Variants in ZNF445 observed in about 807,000 individuals in gnomAD.
ZNF445 encodes zinc finger protein 445.
ZNF445 carries 19 observed loss-of-function variants against 93.9 expected under a neutral mutation model. The ratio of observed to expected loss-of-function variants is 0.20; its 90% CI spans 0.14 to 0.30. The LOEUF (loss-of-function observed/expected upper bound fraction) is 0.30. Among genes scored for constraint, ZNF445 ranks in the 10% least tolerant of loss-of-function variants. The probability of loss-of-function intolerance (pLI) is 1.00; values close to 1 mark genes in which losing one functional copy is unlikely to be tolerated. For missense variants in ZNF445, 1,058 were observed against 1,259.4 expected (o/e 0.84, Z 2.42); for synonymous variants, 449 against 446.3 (o/e 1.01, Z -0.08).
At position 44,444,976 on chromosome 3, in the gene ZNF445, C is replaced by T. The variant is rs1052894991; in HGVS notation, c.*1599G>A. 1 of 152,250 alleles carries T rather than the reference C, an allele frequency of 6.6e-6. No homozygotes were observed. Among genetic ancestry groups the T allele is most frequent in the African/African-American group, 2.4e-5 (1 of 41,462 alleles). The allele number at this position is 152,250 out of a possible 1,614,324, so 9.4% of individuals were successfully genotyped here. On this transcript the variant is annotated 3_prime_UTR_variant, in exon 8 of 8. Coordinates refer to ENST00000396077, the MANE Select transcript of ZNF445 (RefSeq NM_181489.6). ...ACTCACATGCTTTAGCAATATCACT[C>T]CTTTGCCTTTAAGTAATTGATTCTT...
Position 44,453,756 on chromosome 3 carries a change from G to A in ZNF445, c.429+1365C>T, listed in dbSNP as rs141909388. 7.7e-4 allele frequency among the ~76,000 whole-genome samples: 117 copies of A among 152,222 alleles called. 1 individual carries two copies. The highest frequency in any genetic ancestry group is 2.8e-3 in the African/African-American group (115 of 41,534). On this transcript the variant is annotated intron_variant, in intron 3 of 7. Coordinates refer to ENST00000396077, the MANE Select transcript of ZNF445 (RefSeq NM_181489.6). Reference sequence around the variant, plus strand: ...AGCTGCTGCTCTCCTGCCAGGCCTGGGACTGCCAACTCTGCCAGGGCCAGG... The same window carrying A: ...AGCTGCTGCTCTCCTGCCAGGCCTGAGACTGCCAACTCTGCCAGGGCCAGG...
In ZNF445 at chr3:44,438,017, C is replaced by T. The variant is rs1412050508; in HGVS notation, c.*8558G>A. ...GGTTCAAATACCTCTGACACTTTTA[C>T]CCAGCCCCTATTCAACATGGAGTTG... On this transcript the variant is annotated 3_prime_UTR_variant, in exon 8 of 8. Coordinates refer to ENST00000396077, the MANE Select transcript of ZNF445 (RefSeq NM_181489.6). 6.6e-6 allele frequency: 1 copy of T among 152,464 alleles called. No homozygotes were observed. Among genetic ancestry groups the T allele is most frequent in the Admixed American group, 6.6e-5 (1 of 15,260 alleles). 9.4% of individuals were successfully genotyped at this position (152,464 alleles called of 1,614,324 possible).
At chr3:44,450,738 T>G (rs1216769408) in intron 5 of ZNF445, 130 bp downstream of exon 5, 14 of 1,273,596 alleles carry the variant, frequency 1.1e-5, no homozygotes, top group Non-Finnish European at 1.5e-5. Flanking sequence ...AGGGGGATAA[T>G]CTGGTCTCTG....
chr3:44,458,860 C>G (rs534211213), intron 1 of ZNF445, among the ~76,000 whole-genome samples: 1 of 152,280 alleles, frequency 6.6e-6, no homozygotes, highest in African/African-American at 2.4e-5. Context: ...CTGCCTCATA[C>G]TCAGTAAGCA....
chr3:44,454,979 C>G (rs772171957), intron 3 of ZNF445, 142 bp downstream of exon 3: 2 of 1,033,774 alleles, frequency 1.9e-6, no homozygotes, highest in African/African-American at 1.6e-5. Context: ...CCGTTCTCAG[C>G]TGCTCAGGTA....
chr3:44,432,325 AGAGG>A lies in ZNF445; in HGVS notation c.*14246_*14249del, dbSNP rs1244029856. On this transcript the variant is annotated 3_prime_UTR_variant, in exon 8 of 8. Coordinates refer to ENST00000396077, the MANE Select transcript of ZNF445 (RefSeq NM_181489.6). ...TGTGTGTGTGGATGGAGATAGAGAGAGAGGGATTTATGAATTTATGATAAGGAAT... is the reference window on the plus strand; with the variant it reads ...TGTGTGTGTGGATGGAGATAGAGAGAGATTTATGAATTTATGATAAGGAAT... 1 of 151,678 alleles carries A rather than the reference AGAGG, an allele frequency of 6.6e-6. No individual in the cohort carries two copies. The highest frequency in any genetic ancestry group is 1.5e-5 in the Non-Finnish European group (1 of 68,128). The allele number at this position is 151,678 out of a possible 1,614,324, so 9.4% of individuals were successfully genotyped here.
chr3:44,447,361 G>T lies in ZNF445; in HGVS notation c.2310C>A (p.Ala770=). ...EPYKCSQCGK[A]FRNHSFLLIH... ...TGAGGAGGAATGAGTGATTGCGGAA[G>T]GCCTTGCCACACTGGCTGCATTTGT... Residue 770 remains alanine (A), a synonymous_variant, in exon 8 of 8, where the codon GCC becomes GCA. Transcript: ENST00000396077. The surrounding 1 kb of genome is among the most constrained non-coding windows in gnomAD (Gnocchi z 4.7). 6.2e-7 allele frequency: 1 copy of T among 1,614,174 alleles called. No individual in the cohort carries two copies. Among genetic ancestry groups the T allele is most frequent in the Admixed American group, 1.7e-5 (1 of 60,024 alleles).
intron 1 of ZNF445, among the ~76,000 whole-genome samples, chr3:44,472,754 A>G (rs1698289695): frequency 6.6e-6 from 1 of 152,226 alleles, no homozygotes; most frequent in African/African-American, 2.4e-5. Context: ...TCTTAATGCC[A>G]CAGGCTTCTC....
rs1390293935 is a variant in ZNF445, at chr3:44,437,678, T to C, written c.*8897A>G. The C allele has an allele frequency of 6.6e-6, 1 of 152,162 alleles. No homozygotes were observed. Among genetic ancestry groups the C allele is most frequent in the Non-Finnish European group, 1.5e-5 (1 of 68,044 alleles). 9.4% of individuals were successfully genotyped at this position (152,162 alleles called of 1,614,324 possible). A position where few individuals can be genotyped will look rare whatever the true frequency, so the allele number is the denominator to read the frequency against. On this transcript the variant is annotated 3_prime_UTR_variant, in exon 8 of 8. Coordinates refer to ENST00000396077, the MANE Select transcript of ZNF445 (RefSeq NM_181489.6). ...CCTCTAACCCAATCCCATTTGTTAC[T>C]CGGGTACCCCATCACTTACCCAAAG...
At chr3:44,476,698 G>A (rs1282929630) in intron 1 of ZNF445, among the ~76,000 whole-genome samples, 1 of 152,204 alleles carries the variant, frequency 6.6e-6, no homozygotes, top group African/African-American at 2.4e-5. Context: ...GTGCAAGTCA[G>A]AGTGTGCTAC....
intron 3 of ZNF445, among the ~76,000 whole-genome samples, chr3:44,452,484 C>T (rs866723897): frequency 2.0e-5 from 3 of 152,086 alleles, no homozygotes; most frequent in South Asian, 2.1e-4. Context: ...TTACATATAT[C>T]TTAAAGCATT....
At chr3:44,449,105 G>A (rs1326496651) in intron 7 of ZNF445, among the ~76,000 whole-genome samples, 3 of 152,184 alleles carry the variant, frequency 2.0e-5, no homozygotes, top group African/African-American at 7.2e-5. Context: ...CTGGAGATCA[G>A]CCTATTACAA....
rs1471909401 is a variant in ZNF445 at position 44,433,561 on chromosome 3, T to C, written c.*13014A>G. 2.0e-5 allele frequency: 3 copies of C among 152,192 alleles called. No homozygotes were observed. Among genetic ancestry groups the C allele is most frequent in the Non-Finnish European group, 2.9e-5 (2 of 68,076 alleles). 9.4% of individuals were successfully genotyped at this position (152,192 alleles called of 1,614,324 possible). A position where few individuals can be genotyped will look rare whatever the true frequency, so the allele number is the denominator to read the frequency against. On this transcript the variant is annotated 3_prime_UTR_variant, in exon 8 of 8. Coordinates refer to ENST00000396077, the MANE Select transcript of ZNF445 (RefSeq NM_181489.6). Reference sequence around the variant, plus strand: ...TCCAGAACCCACGTCAGGCCATTACTGGGGGGTCTGATGGGGTTATGAGAG... The same window carrying C: ...TCCAGAACCCACGTCAGGCCATTACCGGGGGGTCTGATGGGGTTATGAGAG...
In ZNF445 at chr3:44,451,304, C is replaced by A. The variant is rs199798126; in HGVS notation, c.598+10G>T. The A allele has an allele frequency of 1.1e-5, 17 of 1,610,794 alleles. No homozygotes were observed. The East Asian group carries it at 3.8e-4, about 36-fold the overall frequency. Reference sequence around the variant, plus strand: ...ATAAGGCTGGGGTCTTAAGGCCAGGCAGCAAGTACCGGATTGCCCAGCCAG... The same window carrying A: ...ATAAGGCTGGGGTCTTAAGGCCAGGAAGCAAGTACCGGATTGCCCAGCCAG... On this transcript the variant is annotated intron_variant, in intron 4 of 7. Transcript: ENST00000396077.
intron 1 of ZNF445, among the ~76,000 whole-genome samples, chr3:44,459,600 A>C (rs1347919612): frequency 6.6e-6 from 1 of 152,250 alleles, no homozygotes; most frequent in African/African-American, 2.4e-5. Context: ...CCTGATATTA[A>C]GGCTTACTAT....
At chr3:44,452,445 T>C (rs1307190013) in intron 3 of ZNF445, among the ~76,000 whole-genome samples, 1 of 152,216 alleles carries the variant, frequency 6.6e-6, no homozygotes, top group Non-Finnish European at 1.5e-5. Flanking sequence ...TGTGATAATT[T>C]TGCTGAACCA....
chr3:44,446,369 G>A lies in ZNF445; in HGVS notation c.*206C>T. On this transcript the variant is annotated 3_prime_UTR_variant, in exon 8 of 8. Transcript: ENST00000396077. The surrounding 1 kb of genome is among the most constrained non-coding windows in gnomAD (Gnocchi z 4.2). ...CCGGAGTCTCCAGAAGGGCTCCAAA[G>A]GACATGGTGCTGCACTTCCCCAGCG... 1 of 683,092 alleles carries A rather than the reference G, an allele frequency of 1.5e-6. No individual in the cohort carries two copies. Among genetic ancestry groups the A allele is most frequent in the South Asian group, 2.0e-5 (1 of 51,060 alleles). The allele number at this position is 683,092 out of a possible 1,614,324, so 42.3% of individuals were successfully genotyped here. A position where few individuals can be genotyped will look rare whatever the true frequency, so the allele number is the denominator to read the frequency against.
chr3:44,456,535 T>C (rs922171280), intron 2 of ZNF445, among the ~76,000 whole-genome samples: 3 of 152,234 alleles, frequency 2.0e-5, no homozygotes, highest in African/African-American at 2.4e-5. Flanking sequence ...TATAGCTATA[T>C]TAATCAATTC....
chr3:44,477,408 AG>A (rs1453886165), intron 1 of ZNF445, among the ~76,000 whole-genome samples, 182 bp downstream of exon 1: 2 of 152,164 alleles, frequency 1.3e-5, no homozygotes, highest in African/African-American at 4.8e-5. Flanking sequence ...GGAGGCAAAG[AG>A]GTTCTAGATA....
Sources: gnomAD v4.1 joint callset for allele counts (sites outside exome capture counted in the v4.1 genomes callset) on GRCh38, gnomAD v4.1.1 for gene constraint, Gnocchi (gnomAD v3.1) non-coding constraint, MANE v1.5 for transcripts, NCBI Gene and HGNC (gene_info 2026-07-23, HGNC 2026-07-21) for gene names.